ELOVL5: variants seen among roughly 807,000 people sequenced by gnomAD.
The protein encoded by ELOVL5 is very long chain fatty acid elongase 5.
ELOVL5 carries 8 observed loss-of-function variants against 38.6 expected under a neutral mutation model. The observed-to-expected ratio is 0.21, with a 90% CI of 0.12 to 0.37. The LOEUF is 0.37. Ranked by LOEUF, ELOVL5 falls within the 10% of genes least tolerant of loss-of-function variation. The probability of loss-of-function intolerance (pLI) is 1.00; values close to 1 mark genes in which losing one functional copy is unlikely to be tolerated. For missense variants in ELOVL5, 280 were observed against 367.8 expected, an observed-to-expected ratio of 0.76 and a Z score of 1.95; for synonymous variants, 127 against 133.7, an observed-to-expected ratio of 0.95 and a Z score of 0.34.
At chr6:53,322,576 C>T (rs527648193) in intron 1 of ELOVL5, among the ~76,000 whole-genome samples, 77 of 152,292 alleles carry the variant, frequency 5.1e-4, no homozygotes, top group African/African-American at 1.8e-3. Context: ...CTGCACTTTT[C>T]GGCTCAATCA....
rs1374964175 is a variant in ELOVL5, at chr6:53,268,500, G to C, written c.*627C>G. The C allele has an allele frequency of 6.6e-6, 1 of 152,556 alleles. No homozygotes were observed. The highest frequency in any genetic ancestry group is 6.5e-5 in the Admixed American group (1 of 15,274). 9.5% of individuals were successfully genotyped at this position (152,556 alleles called of 1,614,324 possible). A position where few individuals can be genotyped will look rare whatever the true frequency, so the allele number is the denominator to read the frequency against. On this transcript the variant is annotated 3_prime_UTR_variant, in exon 8 of 8. Coordinates refer to ENST00000304434, the MANE Select transcript of ELOVL5 (RefSeq NM_021814.5). ...AAAAGTTAAACTGACTGTTCCACTA[G>C]ATTTGAGCCTGCTTGATTCAAAGCC...
chr6:53,276,309 C>T lies in ELOVL5; in HGVS notation c.247-53G>A, dbSNP rs1170498526. Reference sequence around the variant, plus strand: ...AACAGCATCTGAGCCATGTAAAGTCCTCATTGAACTTTATTAGTTGCAGAA... The same window carrying T: ...AACAGCATCTGAGCCATGTAAAGTCTTCATTGAACTTTATTAGTTGCAGAA... On this transcript the variant is annotated intron_variant, in intron 3 of 7. Transcript: ENST00000304434. 2.6e-6 allele frequency: 3 copies of T among 1,165,778 alleles called. No individual in the cohort carries two copies. In the East Asian group the frequency reaches 7.0e-5, roughly 27 times the overall value. 72.2% of individuals were successfully genotyped at this position (1,165,778 alleles called of 1,614,324 possible).
In ELOVL5 at chr6:53,268,848, A is replaced by G. The variant is rs1765821864; in HGVS notation, c.*279T>C. 1 of 271,552 alleles carries G rather than the reference A, an allele frequency of 3.7e-6. No individual in the cohort carries two copies. The highest frequency in any genetic ancestry group is 6.9e-6 in the Non-Finnish European group (1 of 145,870). 16.8% of individuals were successfully genotyped at this position (271,552 alleles called of 1,614,324 possible). On this transcript the variant is annotated 3_prime_UTR_variant, in exon 8 of 8. Coordinates refer to ENST00000304434, the MANE Select transcript of ELOVL5 (RefSeq NM_021814.5). Reference sequence around the variant, plus strand: ...ATCACAATTCAGCACCTATCATGTTATAACTAATAAGGCAACAGCAGTGTT... The same window carrying G: ...ATCACAATTCAGCACCTATCATGTTGTAACTAATAAGGCAACAGCAGTGTT...
intron 1 of ELOVL5, among the ~76,000 whole-genome samples, chr6:53,347,004 C>T (rs1311327177): frequency 6.6e-6 from 1 of 152,174 alleles, no homozygotes; most frequent in Non-Finnish European, 1.5e-5. Context: ...AATGATCCTG[C>T]CACATAAAAT....
chr6:53,268,084 TC>T lies in ELOVL5; in HGVS notation c.*1042del, dbSNP rs996195597. The T allele has an allele frequency of 6.6e-6, 1 of 152,010 alleles. No homozygotes were observed. Among genetic ancestry groups the T allele is most frequent in the Non-Finnish European group, 1.5e-5 (1 of 68,010 alleles). 9.4% of individuals were successfully genotyped at this position (152,010 alleles called of 1,614,324 possible). On this transcript the variant is annotated 3_prime_UTR_variant, in exon 8 of 8. Coordinates refer to ENST00000304434, the MANE Select transcript of ELOVL5 (RefSeq NM_021814.5). ...TACCTTAAAAAGTTCTAAGGTCCTT[TC>T]CCCCCCTTTGTTAATTTTGGTAAAC...
At chr6:53,313,650 C>A (rs568080258) in intron 1 of ELOVL5, among the ~76,000 whole-genome samples, 2 of 152,310 alleles carry the variant, frequency 1.3e-5, no homozygotes, top group Admixed American at 6.5e-5. Flanking sequence ...GCATGAGCCA[C>A]CATGCCTGGC....
At chr6:53,328,852 T>TA (rs1581986753) in intron 1 of ELOVL5, among the ~76,000 whole-genome samples, 1 of 152,254 alleles carries the variant, frequency 6.6e-6, no homozygotes, top group East Asian at 1.9e-4. Context: ...TTTGGGTTTT[T>TA]ACTTTAAAAA....
At chr6:53,333,123 G>A (rs1410384242) in intron 1 of ELOVL5, among the ~76,000 whole-genome samples, 1 of 152,200 alleles carries the variant, frequency 6.6e-6, no homozygotes, top group Non-Finnish European at 1.5e-5. Flanking sequence ...CTTTGCAAGA[G>A]AACGGTGTAG....
chr6:53,311,080 G>A (rs1447699781), intron 1 of ELOVL5, among the ~76,000 whole-genome samples: 2 of 152,118 alleles, frequency 1.3e-5, no homozygotes, highest in African/African-American at 4.8e-5. Flanking sequence ...TGACTGGGTG[G>A]GCTCTTCACA....
chr6:53,324,252 CAA>C (rs59453946), intron 1 of ELOVL5, among the ~76,000 whole-genome samples: 41,184 of 110,292 alleles, frequency 0.37, 6,661 homozygotes, highest in African/African-American at 0.54. Flanking sequence ...GACTCTACCT[CAA>C]AAAAAAAAAA....
At chr6:53,301,444 A>G (rs1767244466) in intron 1 of ELOVL5, among the ~76,000 whole-genome samples, 1 of 152,218 alleles carries the variant, frequency 6.6e-6, no homozygotes, top group Non-Finnish European at 1.5e-5. Flanking sequence ...GGTTCCCCAC[A>G]CACTGACAGG....
At chr6:53,305,367 C>CGGG (rs1767465955) in intron 1 of ELOVL5, among the ~76,000 whole-genome samples, 1 of 104,082 alleles carries the variant, frequency 9.6e-6, no homozygotes, top group African/African-American at 6.3e-5. Flanking sequence ...GGCGGCTGGC[C>CGGG]TGGCGGGGGC....
intron 1 of ELOVL5, among the ~76,000 whole-genome samples, chr6:53,341,102 T>C (rs994886066): frequency 1.3e-5 from 2 of 152,166 alleles, no homozygotes; most frequent in African/African-American, 2.4e-5. Flanking sequence ...ACACTAACAA[T>C]TGTAAGCTAT....
At chr6:53,278,227 T>A (rs975384251) in intron 3 of ELOVL5, among the ~76,000 whole-genome samples, 1 of 152,180 alleles carries the variant, frequency 6.6e-6, no homozygotes, top group Admixed American at 6.5e-5. Flanking sequence ...TGGTTTTGCT[T>A]TTGTCTGTTT....
chr6:53,302,949 C>T (rs1767319717), intron 1 of ELOVL5, among the ~76,000 whole-genome samples: 1 of 152,068 alleles, frequency 6.6e-6, no homozygotes, highest in African/African-American at 2.4e-5. Flanking sequence ...AGTTTACAAA[C>T]CCATGTGCTG....
intron 1 of ELOVL5, among the ~76,000 whole-genome samples, chr6:53,309,439 T>C (rs1767733242): frequency 6.6e-6 from 1 of 152,166 alleles, no homozygotes; most frequent in Non-Finnish European, 1.5e-5. Context: ...TCATCAATCC[T>C]AAACTGAGCT....
intron 1 of ELOVL5, among the ~76,000 whole-genome samples, chr6:53,322,590 C>T (rs1348619946): frequency 1.3e-5 from 2 of 152,196 alleles, no homozygotes; most frequent in Non-Finnish European, 2.9e-5. Context: ...TCAATCACCA[C>T]ACCTAGAATA....
intron 1 of ELOVL5, among the ~76,000 whole-genome samples, chr6:53,305,391 C>T (rs1245867141): frequency 4.6e-5 from 6 of 131,268 alleles, no homozygotes; most frequent in African/African-American, 6.5e-5. Flanking sequence ...CCCCCCCCCA[C>T]CTCCCTCCCG....
chr6:53,282,791 T>C (rs1010302921), intron 3 of ELOVL5, among the ~76,000 whole-genome samples: 3 of 152,212 alleles, frequency 2.0e-5, no homozygotes, highest in Non-Finnish European at 4.4e-5. Flanking sequence ...AATTCAATAA[T>C]CAATTGCCAG....
Sources: allele counts gnomAD v4.1 joint callset (sites outside exome capture counted in the v4.1 genomes callset), GRCh38; gene constraint gnomAD v4.1.1; transcripts MANE v1.5; gene names NCBI Gene and HGNC (gene_info 2026-07-23, HGNC 2026-07-21).